The following MARCHF1 variants were observed in gnomAD, a reference collection of about 807,000 sequenced individuals.
MARCHF1 encodes the protein E3 ubiquitin-protein ligase MARCHF1.
In MARCHF1, 40 loss-of-function variants were observed where a neutral mutation model predicts 54.2. That is an observed-to-expected ratio of 0.74 (90% confidence interval 0.57 to 0.96). MARCHF1 has a LOEUF of 0.96. Ranked by LOEUF, MARCHF1 falls within the 40% of genes least tolerant of loss-of-function variation. MARCHF1 has a pLI of 0.00. For synonymous variants in MARCHF1, 236 were observed against 236.3 expected (o/e 1.00, Z 0.01); for missense variants, 586 against 656.5 (o/e 0.89, Z 1.17).
intron 8 of MARCHF1, among the ~76,000 whole-genome samples, chr4:163,552,906 G>A (rs1186040296): frequency 6.6e-6 from 1 of 152,030 alleles, no homozygotes; most frequent in East Asian, 1.9e-4. Context: ...GGTGGCGGGC[G>A]CCTGTAGTCC....
At chr4:164,162,716 A>G (rs1317569415) in intron 1 of MARCHF1, among the ~76,000 whole-genome samples, 2 of 152,142 alleles carry the variant, frequency 1.3e-5, no homozygotes, top group African/African-American at 4.8e-5. Context: ...GAAAAATTTA[A>G]AGAGAGAATG....
At chr4:163,720,511 G>T (rs1266903871) in intron 4 of MARCHF1, among the ~76,000 whole-genome samples, 2 of 152,148 alleles carry the variant, frequency 1.3e-5, no homozygotes, top group East Asian at 3.9e-4. Context: ...GGCAATGTGG[G>T]CTCTTTTTTG....
At chr4:164,304,578 G>A (rs1490561081) in intron 1 of MARCHF1, among the ~76,000 whole-genome samples, 3 of 152,138 alleles carry the variant, frequency 2.0e-5, no homozygotes, top group South Asian at 2.1e-4. Flanking sequence ...TACCTAGCCC[G>A]AATTTCAAGT....
chr4:164,297,746 G>A (rs1455360354), intron 1 of MARCHF1, among the ~76,000 whole-genome samples: 4 of 152,020 alleles, frequency 2.6e-5, no homozygotes, highest in African/African-American at 9.7e-5. Context: ...GGTTATCAGT[G>A]AATGAATACA....
At chr4:163,840,817 G>A (rs1159801402) in intron 4 of MARCHF1, among the ~76,000 whole-genome samples, 2 of 152,004 alleles carry the variant, frequency 1.3e-5, no homozygotes, top group Non-Finnish European at 2.9e-5. Flanking sequence ...ACTATGTTAA[G>A]TAATGAATAT....
chr4:164,185,809 CA>C (rs33914299), intron 1 of MARCHF1, among the ~76,000 whole-genome samples: 53,944 of 149,464 alleles, frequency 0.36, 10,224 homozygotes, highest in Non-Finnish European at 0.44. Flanking sequence ...CACACACACA[CA>C]AAAAAAAAAA....
At chr4:163,766,155 AGAT>A (rs1475377040) in intron 4 of MARCHF1, among the ~76,000 whole-genome samples, 1 of 151,978 alleles carries the variant, frequency 6.6e-6, no homozygotes. Flanking sequence ...ATATCACAGA[AGAT>A]GATATTTTTA....
intron 1 of MARCHF1, among the ~76,000 whole-genome samples, chr4:164,284,081 T>A (rs1471499326): frequency 2.0e-5 from 3 of 150,930 alleles, no homozygotes; most frequent in Non-Finnish European, 2.9e-5. Flanking sequence ...AAGCAATGAA[T>A]TGAAGATAAA....
At chr4:164,160,563 T>C (rs1730205415) in intron 1 of MARCHF1, among the ~76,000 whole-genome samples, 1 of 152,218 alleles carries the variant, frequency 6.6e-6, no homozygotes, top group South Asian at 2.1e-4. Context: ...ACCGACGTTA[T>C]AAAATGTTTT....
chr4:164,171,504 G>A (rs1730524447), intron 1 of MARCHF1, among the ~76,000 whole-genome samples: 1 of 152,074 alleles, frequency 6.6e-6, no homozygotes, highest in South Asian at 2.1e-4. Context: ...TAAGTGATTA[G>A]AAGATTATAG....
intron 1 of MARCHF1, among the ~76,000 whole-genome samples, chr4:164,369,003 G>A (rs1730956947): frequency 6.6e-6 from 1 of 152,154 alleles, no homozygotes; most frequent in Non-Finnish European, 1.5e-5. Flanking sequence ...TGTGCTGCAG[G>A]CCAGCAAAGT....
In MARCHF1 at chr4:164,144,261, A is replaced by G. The variant is rs914204585; in HGVS notation, c.-322-32599T>C. On this transcript the variant is annotated intron_variant, in intron 1 of 9. Transcript: ENST00000514618. ...CCCACTGTCAACATTAGACAGATCA[A>G]TGAGACAGAAAGTCAACAAGGATAC... is the stretch of plus-strand genomic sequence containing the variant. 5.7e-3 allele frequency among the ~76,000 whole-genome samples: 864 copies of G among 151,740 alleles called. 9 individuals are homozygous for G. The highest frequency in any genetic ancestry group is 0.02 in the African/African-American group (825 of 41,090).
chr4:164,038,651 C>T (rs1754062506), intron 2 of MARCHF1, among the ~76,000 whole-genome samples: 1 of 152,104 alleles, frequency 6.6e-6, no homozygotes, highest in African/African-American at 2.4e-5. Context: ...CATAGTCTAT[C>T]ACTTGTAAAC....
At chr4:163,720,636 G>A (rs535178460) in intron 4 of MARCHF1, among the ~76,000 whole-genome samples, 26 of 152,212 alleles carry the variant, frequency 1.7e-4, no homozygotes, top group Non-Finnish European at 2.8e-4. Flanking sequence ...CCATTTTCAC[G>A]ATATTGATTC....
chr4:163,933,118 C>T, intron 3 of MARCHF1: 2 of 1,098,132 alleles, frequency 1.8e-6, no homozygotes, highest in East Asian at 3.0e-5. Context: ...GAGGCCATTG[C>T]AGAACTTGAT....
At chr4:163,618,697 T>C (rs1270600721) in intron 5 of MARCHF1, among the ~76,000 whole-genome samples, 5 of 152,138 alleles carry the variant, frequency 3.3e-5, no homozygotes, top group Admixed American at 2.0e-4. Flanking sequence ...TGTTTCACTG[T>C]CGATTCATTT....
intron 8 of MARCHF1, among the ~76,000 whole-genome samples, chr4:163,570,307 T>G (rs1238053404): frequency 6.6e-6 from 1 of 152,088 alleles, no homozygotes; most frequent in African/African-American, 2.4e-5. Context: ...TGCTACAGTG[T>G]TGATGATGGA....
intron 5 of MARCHF1, among the ~76,000 whole-genome samples, chr4:163,698,584 C>A (rs1427093249): frequency 6.6e-6 from 1 of 152,062 alleles, no homozygotes; most frequent in African/African-American, 2.4e-5. Context: ...AATTAATTGT[C>A]TCCCACACAG....
chr4:164,286,769 A>G (rs543677225), intron 1 of MARCHF1, among the ~76,000 whole-genome samples: 2 of 149,838 alleles, frequency 1.3e-5, no homozygotes, highest in Admixed American at 6.7e-5. Flanking sequence ...ACATACTGAA[A>G]TAATTTTTAT....
Sources: gnomAD v4.1 joint callset for allele counts (sites outside exome capture counted in the v4.1 genomes callset) on GRCh38, gnomAD v4.1.1 for gene constraint, MANE v1.5 for transcripts, NCBI Gene and HGNC (gene_info 2026-07-23, HGNC 2026-07-21) for gene names.